The following AP4S1 variants were observed in gnomAD, a reference collection of about 807,000 sequenced individuals.
AP4S1 encodes adaptor related protein complex 4 subunit sigma 1.
Under a neutral mutation model 19.8 loss-of-function variants are expected in AP4S1, and 23 were observed. The observed-to-expected ratio is 1.16, with a 90% CI of 0.84 to 1.65. AP4S1 has a LOEUF of 1.65. Among genes scored for constraint, AP4S1 ranks in the 40% most tolerant of loss-of-function variants. The probability of loss-of-function intolerance (pLI) is 0.00; values close to 1 mark genes in which losing one functional copy is unlikely to be tolerated. For missense variants in AP4S1, 166 were observed against 172.8 expected (o/e 0.96, Z 0.22); for synonymous variants, 46 against 54.1 (o/e 0.85, Z 0.66).
chr14:31,027,251 A>C (rs1367051527), intron 1 of AP4S1: 1 of 152,214 alleles, frequency 6.6e-6, no homozygotes, highest in African/African-American at 2.4e-5. Context: ...GATACGGTAG[A>C]AATGAATGGG....
At chr14:31,089,964 CTG>C (rs757560514) in intron 5 of AP4S1, among the ~76,000 whole-genome samples, 5 of 152,158 alleles carry the variant, frequency 3.3e-5, no homozygotes, top group African/African-American at 4.8e-5. Context: ...ATTTCAATCA[CTG>C]TATTTATTTT....
chr14:31,069,877 T>C lies in AP4S1; in HGVS notation c.173T>C (p.Ile58Thr). The change falls in exon 3 of 6, where the codon ATA (isoleucine) becomes ACA (threonine). Residue 58 changes from isoleucine (I) to threonine (T), a missense_variant. Ile to Thr is a moderately conservative substitution (Grantham distance 89, BLOSUM62 -1). Transcript: ENST00000542754. ...SFIEYKDFKL[I>T]YRQYAALFIV... Reference sequence around the variant, plus strand: ...ATTGAATATAAGGATTTTAAGCTGATATATCGGCAGTATGCAGCTCTCTTC... The same window carrying C: ...ATTGAATATAAGGATTTTAAGCTGACATATCGGCAGTATGCAGCTCTCTTC... 1 of 1,613,666 alleles carries C rather than the reference T, an allele frequency of 6.2e-7. No individual in the cohort carries two copies. The highest frequency in any genetic ancestry group is 1.1e-5 in the South Asian group (1 of 91,064).
chr14:31,036,142 T>A (rs796836380), intron 1 of AP4S1, among the ~76,000 whole-genome samples: 18 of 141,446 alleles, frequency 1.3e-4, no homozygotes, highest in African/African-American at 4.1e-4. Flanking sequence ...TTTAAAAAAA[T>A]AATCTAATAT....
intron 4 of AP4S1, among the ~76,000 whole-genome samples, chr14:31,079,459 CTGCACATTCGGAGGG>C (rs920557427): frequency 3.3e-5 from 5 of 152,024 alleles, no homozygotes; most frequent in African/African-American, 1.2e-4. Flanking sequence ...CATTCGGAGG[CTGCACATTCGGAGGG>C]AAGGCTGTAC....
intron 1 of AP4S1, among the ~76,000 whole-genome samples, chr14:31,037,302 T>C (rs1884839436): frequency 6.6e-6 from 1 of 152,016 alleles, no homozygotes; most frequent in Admixed American, 6.6e-5. Context: ...CAGGGGATGT[T>C]TTTTCACATA....
At chr14:31,076,486 C>G (rs1484370717) in intron 4 of AP4S1, among the ~76,000 whole-genome samples, 1 of 152,152 alleles carries the variant, frequency 6.6e-6, no homozygotes, top group Non-Finnish European at 1.5e-5. Flanking sequence ...TGCTCAAATC[C>G]TTTGCCCATT....
chr14:31,048,870 C>T (rs61976840), intron 1 of AP4S1, among the ~76,000 whole-genome samples: 1,585 of 152,254 alleles, frequency 0.01, 9 homozygotes, highest in Non-Finnish European at 0.017. Flanking sequence ...TACCACCCAA[C>T]CAGCCAGATC....
intron 1 of AP4S1, among the ~76,000 whole-genome samples, chr14:31,028,267 T>C (rs1336982280): frequency 6.6e-6 from 1 of 151,862 alleles, no homozygotes; most frequent in Non-Finnish European, 1.5e-5. Context: ...AACCTGGAGC[T>C]CCCTGGCTGA....
intron 2 of AP4S1, among the ~76,000 whole-genome samples, chr14:31,067,435 A>C (rs2139574561): frequency 1.1e-5 from 1 of 92,090 alleles, no homozygotes; most frequent in Non-Finnish European, 2.0e-5. Context: ...CCCCCACCCT[A>C]CCACAGGCCC....
intron 1 of AP4S1, among the ~76,000 whole-genome samples, chr14:31,049,747 G>C (rs554352507): frequency 1.3e-5 from 2 of 148,888 alleles, no homozygotes; most frequent in East Asian, 2.0e-4. Context: ...ACCTCTGCGT[G>C]GGCCACCATA....
chr14:31,056,293 A>G (rs1019626962), intron 1 of AP4S1, among the ~76,000 whole-genome samples: 1 of 151,884 alleles, frequency 6.6e-6, no homozygotes, highest in Non-Finnish European at 1.5e-5. Context: ...GGCTCAACCA[A>G]TCTTCCAAGT....
chr14:31,093,078 A>G lies in AP4S1; in HGVS notation c.*43A>G. Reference sequence around the variant, plus strand: ...ACAATATGGATTTATCAGAAATGCGAGTACCGTGGAATACATCTCAACATG... The same window carrying G: ...ACAATATGGATTTATCAGAAATGCGGGTACCGTGGAATACATCTCAACATG... On this transcript the variant is annotated 3_prime_UTR_variant, in exon 6 of 6. Transcript: ENST00000542754. 6.5e-7 allele frequency: 1 copy of G among 1,536,696 alleles called. No individual in the cohort carries two copies. Among genetic ancestry groups the G allele is most frequent in the Non-Finnish European group, 8.8e-7 (1 of 1,141,752 alleles).
chr14:31,085,451 G>A (rs1887879575), intron 5 of AP4S1: 1 of 986,034 alleles, frequency 1.0e-6, no homozygotes, highest in African/African-American at 1.7e-5. Flanking sequence ...ACAAATATAG[G>A]CTAGAATCCG....
At chr14:31,041,531 C>A (rs764055751) in intron 1 of AP4S1, among the ~76,000 whole-genome samples, 1 of 152,184 alleles carries the variant, frequency 6.6e-6, no homozygotes, top group Non-Finnish European at 1.5e-5. Flanking sequence ...AATCCTAGTT[C>A]TCTGCAGTTT....
Position 31,069,919 on chromosome 14 carries a change from A to G in AP4S1, c.215A>G (p.Asn72Ser). Residue 72 changes from asparagine (N) to serine (S), a missense_variant, in exon 3 of 6, where the codon AAT becomes AGT. Physicochemically the swap from Asn to Ser is conservative, Grantham distance 46 (BLOSUM62 1). Transcript: ENST00000542754. ...GCTCTCTTCATTGTGGTTGGAGTTAATGACACTGAGGTAAGATAATAGAAG... is the reference window on the plus strand; with the variant it reads ...GCTCTCTTCATTGTGGTTGGAGTTAGTGACACTGAGGTAAGATAATAGAAG... Reference protein sequence around the residue: ...YAALFIVVGVNDTENEMAIYE... With the variant: ...YAALFIVVGVSDTENEMAIYE... 1 of 1,610,534 alleles carries G rather than the reference A, an allele frequency of 6.2e-7. No homozygotes were observed. The highest frequency in any genetic ancestry group is 8.5e-7 in the Non-Finnish European group (1 of 1,176,738).
At chr14:31,053,408 C>T (rs1320805703) in intron 1 of AP4S1, among the ~76,000 whole-genome samples, 1 of 151,946 alleles carries the variant, frequency 6.6e-6, no homozygotes, top group Non-Finnish European at 1.5e-5. Flanking sequence ...TGGAATATTG[C>T]CCAAGCCAGA....
rs140119208 is a variant in AP4S1, at chr14:31,058,527, ATGTGTGTGTGTGTGTGTGTGTGTGTG to A, written c.-71-7575_-71-7550del. 3.0e-4 allele frequency among the ~76,000 whole-genome samples: 41 copies of A among 136,468 alleles called. 1 individual carries two copies. Among genetic ancestry groups the A allele is most frequent in the Admixed American group, 1.2e-3 (17 of 14,028 alleles). 89.5% of individuals were successfully genotyped at this position (136,468 alleles called of 152,430 possible). On this transcript the variant is annotated intron_variant, in intron 1 of 5. Transcript: ENST00000542754. Reference sequence around the variant, plus strand: ...ACATCTTCCCCATCTCTGTGTGTGTATGTGTGTGTGTGTGTGTGTGTGTGTGTGTGTGTGTGTGTGTGTGTGTGTTT... The same window carrying A: ...ACATCTTCCCCATCTCTGTGTGTGTATGTGTGTGTGTGTGTGTGTGTGTTT...
chr14:31,059,776 C>T (rs1886319148), intron 1 of AP4S1, among the ~76,000 whole-genome samples: 1 of 151,892 alleles, frequency 6.6e-6, no homozygotes, highest in Admixed American at 6.6e-5. Flanking sequence ...GCTGTTATAT[C>T]CCCAGCTGAG....
intron 1 of AP4S1, among the ~76,000 whole-genome samples, chr14:31,054,705 T>A (rs928122591): frequency 9.4e-5 from 14 of 148,950 alleles, no homozygotes; most frequent in Admixed American, 6.7e-5. Flanking sequence ...ATAAATTAAT[T>A]AAATAAAATA....
Sources: gnomAD v4.1 joint callset for allele counts (sites outside exome capture counted in the v4.1 genomes callset) on GRCh38, gnomAD v4.1.1 for gene constraint, MANE v1.5 for transcripts, NCBI Gene and HGNC (gene_info 2026-07-23, HGNC 2026-07-21) for gene names.